NCAPH: variants seen among roughly 807,000 people sequenced by gnomAD.
NCAPH encodes non-SMC condensin I complex subunit H, also known as condensin complex subunit 2.
Under a neutral mutation model 85.5 loss-of-function variants are expected in NCAPH, and 38 were observed. The observed-to-expected ratio is 0.44, with a 90% confidence interval of 0.34 to 0.58. The LOEUF (loss-of-function observed/expected upper bound fraction) is 0.58, where lower values mean the gene tolerates loss of function less well. NCAPH is among the 20% of genes least tolerant of loss of function. The pLI is 0.01. For synonymous variants in NCAPH, 301 were observed against 335.1 expected, an observed-to-expected ratio of 0.90 and a Z score of 1.11; for missense variants, 789 against 916.6, an observed-to-expected ratio of 0.86 and a Z score of 1.80.
At chr2:96,361,377 T>G (rs1317332975) in intron 12 of NCAPH, among the ~76,000 whole-genome samples, 1 of 152,086 alleles carries the variant, frequency 6.6e-6, no homozygotes, top group Non-Finnish European at 1.5e-5. Flanking sequence ...ATTGAAGTTG[T>G]GGATTTACTC....
chr2:96,358,894 GA>G, intron 9 of NCAPH, 150 bp from the exon 10 acceptor site: 1 of 735,828 alleles, frequency 1.4e-6, no homozygotes, highest in Non-Finnish European at 2.1e-6. Flanking sequence ...TTAAGGGAAG[GA>G]AAAGTACTTG....
chr2:96,357,206 A>C (rs758556266), intron 9 of NCAPH, among the ~76,000 whole-genome samples: 4 of 152,212 alleles, frequency 2.6e-5, no homozygotes, highest in African/African-American at 9.7e-5. Context: ...TTATCTTGCC[A>C]GTGTTAGGAC....
chr2:96,354,307 A>G lies in NCAPH; in HGVS notation c.1127A>G (p.Asn376Ser), dbSNP rs779440030. 63 of 1,614,092 alleles carry G rather than the reference A, an allele frequency of 3.9e-5. No homozygotes were observed. The highest frequency in any genetic ancestry group is 5.5e-5 in the South Asian group (5 of 91,054). The change falls in exon 9 of 18, where the codon AAC (asparagine) becomes AGC (serine). Residue 376 changes from asparagine (N) to serine (S), a missense_variant. Transcript: ENST00000240423. ...TCCCTGGGGGATGACTTTGATGCCA[A>G]CGATGAACCTGACCACACCGCAGTT... ...DGSLGDDFDANDEPDHTAVGD... is the reference protein window; with the variant it reads ...DGSLGDDFDASDEPDHTAVGD...
chr2:96,357,753 GT>G (rs2064543330), intron 9 of NCAPH, among the ~76,000 whole-genome samples: 1 of 151,988 alleles, frequency 6.6e-6, no homozygotes, highest in Non-Finnish European at 1.5e-5. Flanking sequence ...TCCTGTTTTT[GT>G]TTTTTAAAAT....
chr2:96,355,552 C>T (rs1000433820), intron 9 of NCAPH, among the ~76,000 whole-genome samples: 11 of 152,066 alleles, frequency 7.2e-5, no homozygotes, highest in Admixed American at 5.2e-4. Flanking sequence ...CCCATCCAGG[C>T]TCAGTAGCAC....
At chr2:96,365,852 C>T (rs914142516) in intron 13 of NCAPH, 24 bp from the exon 14 acceptor site, 3 of 1,613,818 alleles carry the variant, frequency 1.9e-6, no homozygotes, top group Non-Finnish European at 2.5e-6. Context: ...GTCCACCAAA[C>T]TCGAAGAGCT....
chr2:96,338,308 C>T (rs1265357966), intron 1 of NCAPH, among the ~76,000 whole-genome samples: 1 of 151,584 alleles, frequency 6.6e-6, no homozygotes, highest in Non-Finnish European at 1.5e-5. Flanking sequence ...GCACCTGCTC[C>T]CTGCCTGCAT....
chr2:96,361,761 T>TC (rs2064614585), intron 12 of NCAPH, among the ~76,000 whole-genome samples: 2 of 129,160 alleles, frequency 1.5e-5, no homozygotes, highest in Admixed American at 8.1e-5. Context: ...TATATATATA[T>TC]ATATATACAT....
intron 6 of NCAPH, among the ~76,000 whole-genome samples, chr2:96,351,628 A>ACTGCACT (rs1476559587): frequency 6.7e-6 from 1 of 150,206 alleles, no homozygotes; most frequent in Non-Finnish European, 1.5e-5. Flanking sequence ...ATATCATGCC[A>ACTGCACT]CTGCACTCCA....
rs187497463 is a variant in NCAPH, at chr2:96,358,703, T to C, written c.1209-342T>C. ...CAGGGTGGTCTCGATCTCCTGACCT[T>C]GTGATCCGCCCGCCTTGGCCTCCCA... is the stretch of plus-strand genomic sequence containing the variant. On this transcript the variant is annotated intron_variant, in intron 9 of 17. Transcript: ENST00000240423. Among the ~76,000 whole-genome samples, 295 of 152,214 alleles carry C rather than the reference T, an allele frequency of 1.9e-3. 7 individuals are homozygous for C. The East Asian group carries it at 0.045, about 23-fold the overall frequency.
At chr2:96,363,252 C>CT (rs2104484724) in intron 12 of NCAPH, among the ~76,000 whole-genome samples, 1 of 152,286 alleles carries the variant, frequency 6.6e-6, no homozygotes, top group East Asian at 1.9e-4. Flanking sequence ...CTGTTGCACA[C>CT]TTAATAGACT....
chr2:96,358,710 C>T (rs766973897), intron 9 of NCAPH, among the ~76,000 whole-genome samples: 5 of 152,246 alleles, frequency 3.3e-5, no homozygotes, highest in East Asian at 1.9e-4. Flanking sequence ...CCTTGTGATC[C>T]GCCCGCCTTG....
At chr2:96,338,382 G>A (rs1171384800) in intron 1 of NCAPH, among the ~76,000 whole-genome samples, 1 of 151,928 alleles carries the variant, frequency 6.6e-6, no homozygotes, top group East Asian at 1.9e-4. Context: ...TCTCTACAAA[G>A]GCAACCTCTT....
At chr2:96,344,315 G>C in intron 6 of NCAPH, 86 bp downstream of exon 6, 1 of 1,463,120 alleles carries the variant, frequency 6.8e-7, no homozygotes, top group Non-Finnish European at 9.1e-7. Context: ...TGCCTTGCTG[G>C]TATGTGCCTG....
At chr2:96,369,129 C>T in intron 16 of NCAPH, 66 bp downstream of exon 16, 1 of 1,419,082 alleles carries the variant, frequency 7.0e-7, no homozygotes, top group Non-Finnish European at 9.7e-7. Context: ...CGTGGCAGGC[C>T]TTCCACACAC....
At position 96,375,760 on chromosome 2, in the gene NCAPH, G is replaced by A. The variant is rs559551633; in HGVS notation, c.*2409G>A. Among the ~76,000 whole-genome samples the A allele has an allele frequency of 5.9e-5, 9 of 152,228 alleles. 1 individual carries two copies. The South Asian group carries it at 1.9e-3, about 32-fold the overall frequency. On this transcript the variant is annotated 3_prime_UTR_variant, in exon 18 of 18. Transcript: ENST00000240423. ...AGTTCCATGAAATTATGAGAGACCG[G>A]GGATCCTTCCAGCTCATCCTTCTGT... is the stretch of plus-strand genomic sequence containing the variant.
chr2:96,343,141 AG>A, intron 4 of NCAPH, 24 bp from the exon 5 acceptor site: 1 of 1,608,762 alleles, frequency 6.2e-7, no homozygotes, highest in Non-Finnish European at 8.5e-7. Flanking sequence ...TATCTTTGTG[AG>A]TGCAGCTCTG....
chr2:96,358,830 T>C (rs1351310140), intron 9 of NCAPH, among the ~76,000 whole-genome samples: 5 of 152,164 alleles, frequency 3.3e-5, no homozygotes, highest in Non-Finnish European at 7.4e-5. Context: ...CATTTTATGG[T>C]GCACTTTGAA....
intron 12 of NCAPH, among the ~76,000 whole-genome samples, chr2:96,361,825 T>C (rs2064624957): frequency 8.2e-6 from 1 of 122,626 alleles, no homozygotes; most frequent in African/African-American, 3.1e-5. Context: ...TATATATATA[T>C]ATATTTTTTT....
Sources: gnomAD v4.1 joint callset for allele counts (sites outside exome capture counted in the v4.1 genomes callset) on GRCh38, gnomAD v4.1.1 for gene constraint, MANE v1.5 for transcripts, NCBI Gene and HGNC (gene_info 2026-07-23, HGNC 2026-07-21) for gene names.